The following ASCC2 variants were observed in gnomAD, a reference collection of about 807,000 sequenced individuals.
ASCC2 encodes the protein activating signal cointegrator 1 complex subunit 2, also known as ASC-1 complex subunit P100.
ASCC2 carries 42 observed loss-of-function variants against 93.5 expected under a neutral mutation model. The observed-to-expected ratio is 0.45, with a 90% CI of 0.35 to 0.58. The LOEUF (loss-of-function observed/expected upper bound fraction) is 0.58. ASCC2 is among the 20% of genes least tolerant of loss of function. The pLI is 0.00. For missense variants in ASCC2, 859 were observed against 977.6 expected (o/e 0.88, Z 1.62); for synonymous variants, 364 against 384.2 (o/e 0.95, Z 0.62).
chr22:29,801,508 T>C (rs1201564063), intron 14 of ASCC2, among the ~76,000 whole-genome samples: 1 of 152,234 alleles, frequency 6.6e-6, no homozygotes, highest in Non-Finnish European at 1.5e-5. Context: ...AACAAGTGAT[T>C]GGTAAACATC....
intron 5 of ASCC2, among the ~76,000 whole-genome samples, chr22:29,816,276 G>T (rs1000278670): frequency 1.3e-5 from 2 of 152,144 alleles, no homozygotes; most frequent in South Asian, 2.1e-4. Context: ...TCCCCAGGGT[G>T]GGGGAGGGAC....
chr22:29,795,390 T>C (rs2058309198), intron 15 of ASCC2, among the ~76,000 whole-genome samples: 2 of 152,288 alleles, frequency 1.3e-5, no homozygotes, highest in South Asian at 4.2e-4. Context: ...TTTTTTTTCA[T>C]TTTAAAATTG....
intron 5 of ASCC2, among the ~76,000 whole-genome samples, chr22:29,819,430 G>A (rs1445417215): frequency 6.6e-6 from 1 of 152,116 alleles, no homozygotes; most frequent in Non-Finnish European, 1.5e-5. Context: ...CCAAAATGCT[G>A]GAATTACAGG....
At chr22:29,826,749 C>A (rs2062389672) in intron 2 of ASCC2, among the ~76,000 whole-genome samples, 1 of 152,084 alleles carries the variant, frequency 6.6e-6, no homozygotes, top group South Asian at 2.1e-4. Flanking sequence ...CAGAGGTAAC[C>A]ACTCACCATC....
intron 4 of ASCC2, 39 bp from the exon 5 acceptor site, chr22:29,822,503 G>A: frequency 6.2e-7 from 1 of 1,607,306 alleles, no homozygotes. Context: ...GAGATTTTCT[G>A]AACACTCCTA....
intron 2 of ASCC2, among the ~76,000 whole-genome samples, chr22:29,831,092 T>C (rs2063088600): frequency 1.3e-5 from 2 of 152,208 alleles, no homozygotes. Context: ...AAAATCTAGT[T>C]CCTCAGTCCA....
chr22:29,823,535 T>C (rs1191803098), intron 4 of ASCC2, among the ~76,000 whole-genome samples: 3 of 152,222 alleles, frequency 2.0e-5, no homozygotes, highest in Admixed American at 2.0e-4. Context: ...TGGGATTCAC[T>C]GTACTTTGTA....
In ASCC2 at chr22:29,789,004, C is replaced by T. The variant is rs1601749518; in HGVS notation, c.*9G>A. ...TGCCGCTGCCTCCCCACTGGCCCTGCACCAGGTCTCAGGATGGGATCATGC... is the reference window on the plus strand; with the variant it reads ...TGCCGCTGCCTCCCCACTGGCCCTGTACCAGGTCTCAGGATGGGATCATGC... On this transcript the variant is annotated 3_prime_UTR_variant, in exon 20 of 20. Transcript: ENST00000307790. 6.2e-7 allele frequency: 1 copy of T among 1,614,168 alleles called. No individual in the cohort carries two copies. Among genetic ancestry groups the T allele is most frequent in the Non-Finnish European group, 8.5e-7 (1 of 1,179,992 alleles).
intron 8 of ASCC2, among the ~76,000 whole-genome samples, chr22:29,812,506 A>G (rs2060389039): frequency 6.6e-6 from 1 of 152,182 alleles, no homozygotes; most frequent in South Asian, 2.1e-4. Context: ...TTTGGATAAA[A>G]GCCTCCAGGG....
At chr22:29,824,194 A>G (rs1183368858) in intron 4 of ASCC2, among the ~76,000 whole-genome samples, 1 of 151,986 alleles carries the variant, frequency 6.6e-6, no homozygotes, top group African/African-American at 2.4e-5. Flanking sequence ...AAACAAAGAA[A>G]AAGGAAGAGA....
chr22:29,811,870 T>C (rs1173219333), intron 8 of ASCC2, among the ~76,000 whole-genome samples: 1 of 152,216 alleles, frequency 6.6e-6, no homozygotes, highest in Non-Finnish European at 1.5e-5. Context: ...ATATGCAAGG[T>C]ACGAAATTCT....
chr22:29,816,718 G>A (rs1027872604), intron 5 of ASCC2: 4 of 151,740 alleles, frequency 2.6e-5, no homozygotes, highest in Admixed American at 2.6e-4. Flanking sequence ...TGCTGCCGCT[G>A]TGAGTGCGTA....
At chr22:29,794,787 A>G (rs2035465246) in intron 15 of ASCC2, among the ~76,000 whole-genome samples, 1 of 152,208 alleles carries the variant, frequency 6.6e-6, no homozygotes, top group African/African-American at 2.4e-5. Context: ...TCCCAAGGAA[A>G]ACAAGCAAGC....
rs191194236 is a variant in ASCC2, at chr22:29,825,827, G to A, written c.82-47C>T. Reference sequence around the variant, plus strand: ...GTTAACGTGGCAGAGGTTAGTCAGCGAGGGCCCATTTGCCAACCCACAGCA... The same window carrying A: ...GTTAACGTGGCAGAGGTTAGTCAGCAAGGGCCCATTTGCCAACCCACAGCA... On this transcript the variant is annotated intron_variant, in intron 2 of 19. Transcript: ENST00000307790. The surrounding 1 kb of genome is among the most constrained non-coding windows in gnomAD (Gnocchi z 4.9). The A allele has an allele frequency of 1.3e-5, 20 of 1,563,378 alleles. No homozygotes were observed. In the African/African-American group the frequency reaches 1.4e-4, roughly 11 times the overall value.
Position 29,808,198 on chromosome 22 carries a change from A to G in ASCC2, c.834-13T>C. 6.2e-7 allele frequency: 1 copy of G among 1,613,726 alleles called. No individual in the cohort carries two copies. The highest frequency in any genetic ancestry group is 1.3e-5 in the African/African-American group (1 of 75,058). ...GAAGGAAGCTAGTCTGTGCAGGCAC[A>G]CACAGGGAAAATGTTGGATTAGTTC... On this transcript the variant is annotated splice_polypyrimidine_tract_variant and intron_variant, in intron 8 of 19. Coordinates refer to ENST00000307790, the MANE Select transcript of ASCC2 (RefSeq NM_032204.5).
chr22:29,792,753 G>A (rs535958037), intron 17 of ASCC2, among the ~76,000 whole-genome samples: 30 of 152,272 alleles, frequency 2.0e-4, no homozygotes, highest in African/African-American at 6.0e-4. Flanking sequence ...AAATGGGGCC[G>A]GGAGAGTCTC....
At chr22:29,811,807 C>T (rs2060306525) in intron 8 of ASCC2, among the ~76,000 whole-genome samples, 1 of 152,178 alleles carries the variant, frequency 6.6e-6, no homozygotes, top group African/African-American at 2.4e-5. Flanking sequence ...CAATCTGTGC[C>T]ACATTTGGGG....
At position 29,831,946 on chromosome 22, in the gene ASCC2, G is replaced by A. The variant is rs113108043; in HGVS notation, c.81+299C>T. On this transcript the variant is annotated intron_variant, in intron 2 of 19. Coordinates refer to ENST00000307790, the MANE Select transcript of ASCC2 (RefSeq NM_032204.5). ...AATCCCCAAACCCAGCTTTGGGCTG[G>A]ATCCATTTCTAGCCCGATCCAGGCT... 5.8e-3 allele frequency among the ~76,000 whole-genome samples: 878 copies of A among 152,226 alleles called. 4 individuals are homozygous for A. The highest frequency in any genetic ancestry group is 0.018 in the African/African-American group (741 of 41,540).
At chr22:29,838,068 G>T in intron 1 of ASCC2, 110 bp downstream of exon 1, 2 of 428,398 alleles carry the variant, frequency 4.7e-6, no homozygotes, top group South Asian at 3.3e-5. Flanking sequence ...GTAAGCGTGG[G>T]CCCCGCAATG....
Sources: allele counts gnomAD v4.1 joint callset (sites outside exome capture counted in the v4.1 genomes callset), GRCh38; gene constraint gnomAD v4.1.1; non-coding constraint Gnocchi (gnomAD v3.1); transcripts MANE v1.5; gene names NCBI Gene and HGNC (gene_info 2026-07-23, HGNC 2026-07-21).